The following GRB2 variants were observed in gnomAD, a reference collection of about 807,000 sequenced individuals.
The protein encoded by GRB2 is growth factor receptor bound protein 2, also known as growth factor receptor-bound protein 2.
A neutral mutation model predicts 27.4 loss-of-function variants in GRB2; 2 were observed. That is an observed-to-expected ratio of 0.07 (90% CI 0.03 to 0.23). GRB2 has a LOEUF of 0.23. GRB2 is among the 10% of genes least tolerant of loss of function. The pLI is 1.00. For synonymous variants in GRB2, 94 were observed against 99.6 expected (o/e 0.94, Z 0.33); for missense variants, 102 against 282.4 (o/e 0.36, Z 4.58).
At chr17:75,324,354 G>A (rs867258536) in intron 4 of GRB2, among the ~76,000 whole-genome samples, 2 of 147,086 alleles carry the variant, frequency 1.4e-5, no homozygotes, top group African/African-American at 5.2e-5. Context: ...ACCACGCCGA[G>A]GCCATTTTTG....
At chr17:75,326,819 T>G (rs2078501363) in intron 3 of GRB2, among the ~76,000 whole-genome samples, 1 of 152,196 alleles carries the variant, frequency 6.6e-6, no homozygotes, top group African/African-American at 2.4e-5. Context: ...AGAGGAACAC[T>G]TCTACAAGAG....
chr17:75,328,687 C>A (rs900506812), intron 3 of GRB2, among the ~76,000 whole-genome samples: 1 of 142,248 alleles, frequency 7.0e-6, no homozygotes, highest in Admixed American at 7.0e-5. Context: ...GCCTGTAATC[C>A]CAGCACTTTG....
chr17:75,338,877 G>A (rs935279112), intron 2 of GRB2: 5 of 800,946 alleles, frequency 6.2e-6, no homozygotes, highest in East Asian at 4.9e-5. Context: ...AGTGTGGCAA[G>A]CATCAACCCC....
intron 2 of GRB2, among the ~76,000 whole-genome samples, chr17:75,351,404 T>C (rs1273703642): frequency 6.6e-6 from 1 of 152,086 alleles, no homozygotes; most frequent in Non-Finnish European, 1.5e-5. Flanking sequence ...AATCTAGCAC[T>C]TTGAGAGGCT....
At chr17:75,350,676 TAG>T (rs1461032132) in intron 2 of GRB2, among the ~76,000 whole-genome samples, 1 of 152,032 alleles carries the variant, frequency 6.6e-6, no homozygotes, top group Non-Finnish European at 1.5e-5. Context: ...GTATTTTCAG[TAG>T]AGACAGGGTT....
chr17:75,330,624 A>AT (rs1454580256), intron 3 of GRB2, among the ~76,000 whole-genome samples: 1 of 152,020 alleles, frequency 6.6e-6, no homozygotes, highest in African/African-American at 2.4e-5. Flanking sequence ...CAGTGAGCTG[A>AT]GATAGCACCA....
At chr17:75,334,275 A>G (rs2078561539) in intron 2 of GRB2, among the ~76,000 whole-genome samples, 1 of 151,766 alleles carries the variant, frequency 6.6e-6, no homozygotes, top group South Asian at 2.1e-4. Context: ...GGTTCACGCC[A>G]TTCTCTTGCC....
intron 2 of GRB2, among the ~76,000 whole-genome samples, chr17:75,335,685 TAATA>T (rs1411049089): frequency 3.3e-5 from 5 of 152,162 alleles, no homozygotes; most frequent in Non-Finnish European, 7.4e-5. Context: ...CTGAAAGAGC[TAATA>T]AATATGTGTA....
intron 2 of GRB2, among the ~76,000 whole-genome samples, chr17:75,355,090 G>C (rs2078723003): frequency 6.6e-6 from 1 of 152,188 alleles, no homozygotes; most frequent in Non-Finnish European, 1.5e-5. Context: ...TTACAGGCGT[G>C]AGCCACCGCG....
At chr17:75,363,441 A>G (rs1020227650) in intron 2 of GRB2, among the ~76,000 whole-genome samples, 1 of 152,180 alleles carries the variant, frequency 6.6e-6, no homozygotes, top group African/African-American at 2.4e-5. Flanking sequence ...TGATAGATAC[A>G]CTGTCTATTA....
chr17:75,382,566 G>C (rs1024181735), intron 2 of GRB2, among the ~76,000 whole-genome samples: 6 of 152,182 alleles, frequency 3.9e-5, no homozygotes, highest in Non-Finnish European at 1.5e-5. Context: ...TTGGATTAGG[G>C]ATACTCAATA....
intron 5 of GRB2, 93 bp downstream of exon 5, chr17:75,321,566 A>C: frequency 8.5e-7 from 1 of 1,178,212 alleles, no homozygotes; most frequent in Non-Finnish European, 1.2e-6. Context: ...GGGCGCCCGC[A>C]TGTTGAGGGG....
intron 2 of GRB2, among the ~76,000 whole-genome samples, chr17:75,375,701 G>T (rs1290783342): frequency 6.6e-6 from 1 of 151,728 alleles, no homozygotes; most frequent in East Asian, 1.9e-4. Context: ...GGCAAATATG[G>T]TGAAACCTCG....
intron 4 of GRB2, among the ~76,000 whole-genome samples, chr17:75,322,372 C>CAAAA (rs544297344): frequency 1.2e-5 from 1 of 84,610 alleles, no homozygotes; most frequent in Non-Finnish European, 2.3e-5. Context: ...AACTCTGTCT[C>CAAAA]AAAAAAAAAA....
chr17:75,341,862 T>C (rs986295008), intron 2 of GRB2, among the ~76,000 whole-genome samples: 3 of 152,172 alleles, frequency 2.0e-5, no homozygotes, highest in Non-Finnish European at 4.4e-5. Flanking sequence ...TTAACCACCA[T>C]AATTTTTCTG....
intron 2 of GRB2, among the ~76,000 whole-genome samples, chr17:75,366,607 T>C (rs1191836612): frequency 2.6e-5 from 4 of 151,360 alleles, no homozygotes; most frequent in Non-Finnish European, 5.9e-5. Context: ...AAAGCCAGCC[T>C]GGGCACCTGG....
chr17:75,355,945 C>T (rs921998813), intron 2 of GRB2, among the ~76,000 whole-genome samples: 1 of 150,766 alleles, frequency 6.6e-6, no homozygotes, highest in Non-Finnish European at 1.5e-5. Flanking sequence ...ATTCTCCTGT[C>T]TCAGCCTCTC....
At chr17:75,352,429 C>T (rs1421054648) in intron 2 of GRB2, among the ~76,000 whole-genome samples, 1 of 152,204 alleles carries the variant, frequency 6.6e-6, no homozygotes, top group East Asian at 1.9e-4. Context: ...TTGTCAGACC[C>T]GCAACTCCAA....
intron 2 of GRB2, among the ~76,000 whole-genome samples, chr17:75,369,122 T>C (rs545508905): frequency 1.3e-5 from 2 of 152,298 alleles, no homozygotes; most frequent in Non-Finnish European, 2.9e-5. Context: ...CCAGCCTAGG[T>C]CCTCTGTATC....
Sources: allele counts gnomAD v4.1 joint callset (sites outside exome capture counted in the v4.1 genomes callset), GRCh38; gene constraint gnomAD v4.1.1; transcripts MANE v1.5; gene names NCBI Gene and HGNC (gene_info 2026-07-23, HGNC 2026-07-21).